CALN1: variants seen among roughly 807,000 people sequenced by gnomAD.
CALN1 encodes calneuron 1, also known as calcium-binding protein 8.
Under a neutral mutation model 30.6 loss-of-function variants are expected in CALN1, and 17 were observed. The ratio of observed to expected loss-of-function variants is 0.56; its 90% confidence interval spans 0.38 to 0.83. CALN1 has a LOEUF of 0.83. CALN1 is among the 40% of genes least tolerant of loss of function. The pLI is 0.00. For missense variants in CALN1, 291 were observed against 354.9 expected (o/e 0.82, Z 1.45); for synonymous variants, 156 against 131.4 (o/e 1.19, Z -1.28).
At chr7:72,036,676 T>C (rs1054595168) in intron 4 of CALN1, among the ~76,000 whole-genome samples, 6 of 152,192 alleles carry the variant, frequency 3.9e-5, no homozygotes, top group Admixed American at 2.6e-4. Context: ...TTATGTTTCA[T>C]TTTAGGTTTT....
intron 2 of CALN1, among the ~76,000 whole-genome samples, chr7:72,302,090 T>TGA (rs1035620089): frequency 1.3e-5 from 2 of 150,462 alleles, no homozygotes; most frequent in African/African-American, 4.9e-5. Context: ...AAAGAACTGA[T>TGA]GAAATAGGAG....
intron 3 of CALN1, among the ~76,000 whole-genome samples, chr7:72,244,940 A>G (rs77659843): frequency 2.6e-5 from 4 of 152,104 alleles, no homozygotes; most frequent in East Asian, 3.9e-4. Flanking sequence ...TCTGACTTTT[A>G]TTCCAACTCC....
At chr7:72,461,783 G>A in the CALN1 span, among the ~76,000 whole-genome samples, 2 of 152,142 alleles carry the variant, frequency 1.3e-5, no homozygotes, top group African/African-American at 4.8e-5. Context: ...CGAGGTGGGT[G>A]GATCACCTGA....
Position 72,363,681 on chromosome 7 carries a change from A to T in CALN1, c.119+39570T>A, listed in dbSNP as rs545456708. On this transcript the variant is annotated intron_variant, in intron 2 of 6. Coordinates refer to ENST00000395275, the MANE Select transcript of CALN1 (RefSeq NM_031468.4). ...TCATTGGTGGGAATATGTAGTAGCT[A>T]AATGTCTGTAACAGGCTACTTGCAA... 2.6e-3 allele frequency among the ~76,000 whole-genome samples: 391 copies of T among 152,114 alleles called. 1 individual carries two copies. Among genetic ancestry groups the T allele is most frequent in the Non-Finnish European group, 3.9e-3 (268 of 68,004 alleles).
rs1416457301 is a variant in CALN1 at position 72,126,714 on chromosome 7, T to G, written c.245-20420A>C. Among the ~76,000 whole-genome samples the G allele has an allele frequency of 5.9e-5, 9 of 151,890 alleles. No individual in the cohort carries two copies. The East Asian group carries it at 1.8e-3, about 30-fold the overall frequency. On this transcript the variant is annotated intron_variant, in intron 3 of 6. Transcript: ENST00000395275. ...AGAAGTGAGAACATATGATATTTGG[T>G]TTTCCATTCCTGAGTTGCTTCACTT... is the stretch of plus-strand genomic sequence containing the variant.
At chr7:71,923,227 T>C (rs1411285046) in intron 5 of CALN1, among the ~76,000 whole-genome samples, 4 of 152,160 alleles carry the variant, frequency 2.6e-5, no homozygotes, top group Non-Finnish European at 5.9e-5. Flanking sequence ...TGCTCATTTG[T>C]TCTTTCTGAC....
intron 5 of CALN1, among the ~76,000 whole-genome samples, chr7:71,834,233 A>AT (rs1339970707): frequency 5.7e-5 from 8 of 139,702 alleles, no homozygotes; most frequent in Non-Finnish European, 1.1e-4. Flanking sequence ...AAAAAAAAAA[A>AT]AAAAAACCAA....
At chr7:71,949,954 G>A (rs1796605197) in intron 5 of CALN1, among the ~76,000 whole-genome samples, 1 of 151,996 alleles carries the variant, frequency 6.6e-6, no homozygotes, top group Non-Finnish European at 1.5e-5. Flanking sequence ...AGTAGAGACG[G>A]GGTTTCACTG....
chr7:72,331,995 C>T (rs1262235967), intron 2 of CALN1, among the ~76,000 whole-genome samples: 2 of 152,186 alleles, frequency 1.3e-5, no homozygotes, highest in East Asian at 3.9e-4. Context: ...ATAATGGCCT[C>T]CAGCTCCATC....
chr7:71,839,079 G>A (rs1190410523), intron 5 of CALN1, among the ~76,000 whole-genome samples: 3 of 151,846 alleles, frequency 2.0e-5, no homozygotes, highest in Non-Finnish European at 4.4e-5. Flanking sequence ...TAAAGTGCTG[G>A]GATTACAGAC....
At chr7:72,068,925 G>A (rs1034893560) in intron 4 of CALN1, among the ~76,000 whole-genome samples, 13 of 152,312 alleles carry the variant, frequency 8.5e-5, no homozygotes, top group South Asian at 2.1e-4. Flanking sequence ...TTATTATTGT[G>A]ATTATCTTAT....
intron 4 of CALN1, among the ~76,000 whole-genome samples, chr7:72,076,523 G>A (rs1251048588): frequency 2.1e-5 from 3 of 141,902 alleles, no homozygotes; most frequent in South Asian, 2.3e-4. Context: ...GCTTGAACCC[G>A]AGAGGCGGAG....
At chr7:72,414,620 G>C (rs1807365583), upstream of CALN1, among the ~76,000 whole-genome samples, 1 of 152,230 alleles carries the variant, frequency 6.6e-6, no homozygotes, top group African/African-American at 2.4e-5. Flanking sequence ...TGTTTGAAGG[G>C]AGGATGTCCT....
intron 5 of CALN1, among the ~76,000 whole-genome samples, chr7:71,850,360 C>T (rs537192681): frequency 6.6e-6 from 1 of 151,530 alleles, no homozygotes; most frequent in South Asian, 2.1e-4. Context: ...GGATTACAGG[C>T]GCATACCACC....
rs921600727 is a variant in CALN1, at chr7:72,298,967, C to G, written c.120-20157G>C. On this transcript the variant is annotated intron_variant, in intron 2 of 6. Coordinates refer to ENST00000395275, the MANE Select transcript of CALN1 (RefSeq NM_031468.4). ...ACTGTAAGCCCAATTAAACCTCTTT[C>G]TTTTGTAAATTGTCCAGTCTCTGGT... Among the ~76,000 whole-genome samples the G allele has an allele frequency of 2.0e-5, 3 of 152,228 alleles. No individual in the cohort carries two copies. In the East Asian group the frequency reaches 5.8e-4, roughly 29 times the overall value.
At chr7:72,479,927 A>G in the CALN1 span, among the ~76,000 whole-genome samples, 2 of 152,206 alleles carry the variant, frequency 1.3e-5, no homozygotes, top group East Asian at 1.9e-4. Context: ...TTAATTGCCC[A>G]TATAAGTGTG....
intron 3 of CALN1, among the ~76,000 whole-genome samples, chr7:72,180,524 CTTTTTTTTT>C (rs35465505): frequency 8.8e-6 from 1 of 113,668 alleles, no homozygotes; most frequent in African/African-American, 3.3e-5. Context: ...AGAAGGTGTC[CTTTTTTTTT>C]TTTTTTTTAA....
chr7:72,207,292 T>G (rs1047506012), intron 3 of CALN1, among the ~76,000 whole-genome samples: 1 of 151,986 alleles, frequency 6.6e-6, no homozygotes, highest in Non-Finnish European at 1.5e-5. Context: ...TTGAAGGGAG[T>G]GCTCTGCCCC....
chr7:71,893,556 T>C (rs536420872), intron 5 of CALN1, among the ~76,000 whole-genome samples: 4 of 152,148 alleles, frequency 2.6e-5, no homozygotes, highest in African/African-American at 9.6e-5. Context: ...CTGGGTGTGG[T>C]GGCGTGCACA....
Sources: allele counts gnomAD v4.1 joint callset (sites outside exome capture counted in the v4.1 genomes callset), GRCh38; gene constraint gnomAD v4.1.1; transcripts MANE v1.5; gene names NCBI Gene and HGNC (gene_info 2026-07-23, HGNC 2026-07-21).